Variants in PHYHD1 observed in about 807,000 individuals in gnomAD.
PHYHD1 encodes the protein phytanoyl-CoA dioxygenase domain containing 1, also known as phytanoyl-CoA dioxygenase domain-containing protein 1.
Under a neutral mutation model 43.6 loss-of-function variants are expected in PHYHD1, and 42 were observed. That is an observed-to-expected ratio of 0.96 (90% confidence interval 0.75 to 1.25). The LOEUF is 1.25. Ranked by LOEUF, PHYHD1 falls within the 50% of genes most tolerant of loss-of-function variation. The probability of loss-of-function intolerance (pLI) is 0.00; values close to 1 mark genes in which losing one functional copy is unlikely to be tolerated. For missense variants in PHYHD1, 342 were observed against 370.8 expected, an observed-to-expected ratio of 0.92 and a Z score of 0.64; for synonymous variants, 139 against 143.6, an observed-to-expected ratio of 0.97 and a Z score of 0.23.
At chr9:128,927,483 C>T (rs1288533893) in intron 4 of PHYHD1, among the ~76,000 whole-genome samples, 2 of 152,104 alleles carry the variant, frequency 1.3e-5, no homozygotes, top group Non-Finnish European at 1.5e-5. Context: ...TCAAGTGATT[C>T]TCCTGCCTCA....
rs750494124 is a variant in PHYHD1, at chr9:128,940,702, C to T, written c.690C>T (p.Thr230=). The T allele has an allele frequency of 2.5e-6, 4 of 1,613,372 alleles. No individual in the cohort carries two copies. In the East Asian group the frequency reaches 8.9e-5, roughly 36 times the overall value. The change falls in exon 11 of 13, where the codon ACC becomes ACT. Residue 230 remains threonine (T), a synonymous_variant. Transcript: ENST00000372592. ...PARDNSLFVP[T]PVQRGALVLI... ...GGGATAACAGCCTCTTTGTGCCCAC[C>T]CCAGTGCAGAGAGGTAGGCAGATGC...
In PHYHD1 at chr9:128,942,001, T is replaced by C. The variant is rs761623100; in HGVS notation, c.*288T>C. 2.0e-6 allele frequency: 1 copy of C among 499,962 alleles called. No individual in the cohort carries two copies. Among genetic ancestry groups the C allele is most frequent in the Non-Finnish European group, 3.6e-6 (1 of 280,038 alleles). 31.0% of individuals were successfully genotyped at this position (499,962 alleles called of 1,614,324 possible). On this transcript the variant is annotated 3_prime_UTR_variant, in exon 13 of 13. Transcript: ENST00000372592. ...CTCTCAGATGGAACTCTGGTTATTATGGTGTTAGTTATCGAATAAAAACGA... is the reference window on the plus strand; with the variant it reads ...CTCTCAGATGGAACTCTGGTTATTACGGTGTTAGTTATCGAATAAAAACGA...
intron 6 of PHYHD1, among the ~76,000 whole-genome samples, chr9:128,934,788 C>G (rs547829630): frequency 6.7e-6 from 1 of 149,622 alleles, no homozygotes; most frequent in Admixed American, 6.7e-5. Flanking sequence ...AAAAAGCAAA[C>G]AAGAAAGAAA....
At chr9:128,938,031 G>C in intron 9 of PHYHD1, 1 of 1,291,408 alleles carries the variant, frequency 7.7e-7, no homozygotes, top group Non-Finnish European at 1.0e-6. Context: ...CCTAGGACAG[G>C]CGTGGTGGCT....
chr9:128,923,240 G>A lies in PHYHD1; in HGVS notation c.33+884G>A, dbSNP rs144523949. The stretch of plus-strand genomic sequence containing the variant: ...ATTACAGGCGTGAGCCACCGTGCCC[G>A]GTCCTATTTTTATTTTTGCAGAGAT... On this transcript the variant is annotated intron_variant, in intron 3 of 12. Transcript: ENST00000372592. Among the ~76,000 whole-genome samples, 499 of 152,104 alleles carry A rather than the reference G, an allele frequency of 3.3e-3. 2 individuals are homozygous for A. Among genetic ancestry groups the A allele is most frequent in the African/African-American group, 0.011 (467 of 41,492 alleles).
chr9:128,922,239 G>T, intron 2 of PHYHD1, 44 bp from the exon 3 acceptor site: 1 of 1,514,646 alleles, frequency 6.6e-7, no homozygotes, highest in South Asian at 1.2e-5. Flanking sequence ...GGGTAGGGAA[G>T]GGTTAAGTCC....
In PHYHD1 at chr9:128,927,921, C is replaced by G. The variant is rs373385594; in HGVS notation, c.192+725C>G. On this transcript the variant is annotated intron_variant, in intron 4 of 12. Coordinates refer to ENST00000372592, the MANE Select transcript of PHYHD1 (RefSeq NM_001100876.2). ...ACTATCCCCCATGAGACTAGGAACT[C>G]AGATTTTCTCCCCCCAGTGACCGAA... 3.3e-5 allele frequency among the ~76,000 whole-genome samples: 5 copies of G among 152,348 alleles called. 1 individual carries two copies. The highest frequency in any genetic ancestry group is 6.5e-5 in the Admixed American group (1 of 15,294).
chr9:128,937,781 G>A lies in PHYHD1; in HGVS notation c.457+3G>A, dbSNP rs1841462312. On this transcript the variant is annotated splice_donor_region_variant and intron_variant, in intron 9 of 12. Transcript: ENST00000372592. ...GCAACCTCACTTTGGCGGTGAAGGT[G>A]AGCTGAGAGCTGTGGGCCCCTGAAA... 1 of 1,613,946 alleles carries A rather than the reference G, an allele frequency of 6.2e-7. No homozygotes were observed. The highest frequency in any genetic ancestry group is 1.1e-5 in the South Asian group (1 of 91,076).
intron 4 of PHYHD1, among the ~76,000 whole-genome samples, chr9:128,932,086 C>T (rs576078861): frequency 4.0e-5 from 6 of 151,666 alleles, no homozygotes; most frequent in Middle Eastern, 6.8e-3. Flanking sequence ...CTGCCCACCT[C>T]AGCCTCCCAG....
intron 3 of PHYHD1, among the ~76,000 whole-genome samples, chr9:128,924,985 A>C (rs1841099880): frequency 6.6e-6 from 1 of 152,202 alleles, no homozygotes; most frequent in African/African-American, 2.4e-5. Flanking sequence ...TTGTGTATTT[A>C]CTGGATCAAG....
chr9:128,940,725 T>C lies in PHYHD1; in HGVS notation c.703+10T>C. ...ACCCCAGTGCAGAGAGGTAGGCAGA[T>C]GCAGAGGGCAGAGAGGCAGGGGGCT... On this transcript the variant is annotated intron_variant, in intron 11 of 12. Coordinates refer to ENST00000372592, the MANE Select transcript of PHYHD1 (RefSeq NM_001100876.2). 1 of 1,612,144 alleles carries C rather than the reference T, an allele frequency of 6.2e-7. No individual in the cohort carries two copies. The highest frequency in any genetic ancestry group is 8.5e-7 in the Non-Finnish European group (1 of 1,179,444).
At position 128,939,510 on chromosome 9, in the gene PHYHD1, C is replaced by G. The variant is rs529888578; in HGVS notation, c.458-859C>G. On this transcript the variant is annotated intron_variant, in intron 9 of 12. Coordinates refer to ENST00000372592, the MANE Select transcript of PHYHD1 (RefSeq NM_001100876.2). ...AGGAGAATCACTTGAATCCGGGAGG[C>G]GGAGGTTGCAGTGAGCCAAGATCGT... Among the ~76,000 whole-genome samples the G allele has an allele frequency of 3.4e-5, 4 of 116,174 alleles. 1 individual carries two copies. The highest frequency in any genetic ancestry group is 1.1e-4 in the African/African-American group (4 of 36,642). The allele number at this position is 116,174 out of a possible 152,430, so 76.2% of individuals were successfully genotyped here. A position where few individuals can be genotyped will look rare whatever the true frequency, so the allele number is the denominator to read the frequency against.
intron 8 of PHYHD1, 51 bp downstream of exon 8, chr9:128,936,696 G>A: frequency 1.3e-6 from 2 of 1,535,074 alleles, no homozygotes; most frequent in Non-Finnish European, 1.8e-6. Flanking sequence ...TGGGCAGACT[G>A]CTCATACCAA....
intron 3 of PHYHD1, among the ~76,000 whole-genome samples, chr9:128,926,305 A>C (rs985504929): frequency 1.3e-5 from 2 of 152,084 alleles, no homozygotes; most frequent in Admixed American, 6.6e-5. Context: ...ATCTCGGCTC[A>C]CTGCAACCTC....
intron 3 of PHYHD1, among the ~76,000 whole-genome samples, chr9:128,922,817 G>C (rs1841034829): frequency 6.6e-6 from 1 of 152,194 alleles, no homozygotes; most frequent in Non-Finnish European, 1.5e-5. Flanking sequence ...TACAGCTCTA[G>C]AAGCTTTGTT....
intron 4 of PHYHD1, among the ~76,000 whole-genome samples, chr9:128,930,447 TA>T (rs1223049668): frequency 6.2e-4 from 82 of 133,144 alleles, no homozygotes; most frequent in Middle Eastern, 4.0e-3. Context: ...ACTGTCTTTT[TA>T]AAAAAAAAAA....
At chr9:128,929,548 C>T (rs777354635) in intron 4 of PHYHD1, among the ~76,000 whole-genome samples, 4 of 151,822 alleles carry the variant, frequency 2.6e-5, no homozygotes, top group Non-Finnish European at 5.9e-5. Flanking sequence ...TGGCAGGCGC[C>T]GGCGGTCCCA....
rs1409013085 is a variant in PHYHD1, at chr9:128,941,690, C to T, written c.853C>T (p.Pro285Ser). The stretch of plus-strand genomic sequence containing the variant: ...CAGGCTCCAGCCAACAGCTGAACTG[C>T]CCTTTCCCCAACTGTACACCTAAAG... The part of the protein sequence containing the change: ...ENWLQPTAEL[P>S]FPQLYT Residue 285 changes from proline to serine, a missense_variant, in exon 13 of 13, where the codon CCC becomes TCC. By Grantham distance (74) the Pro-to-Ser change is moderately conservative (BLOSUM62 -1). Transcript: ENST00000372592. 1 of 1,614,176 alleles carries T rather than the reference C, an allele frequency of 6.2e-7. No homozygotes were observed. The highest frequency in any genetic ancestry group is 1.7e-5 in the Admixed American group (1 of 60,026).
At chr9:128,927,286 C>T in intron 4 of PHYHD1, 90 bp downstream of exon 4, 1 of 1,536,958 alleles carries the variant, frequency 6.5e-7, no homozygotes, top group Non-Finnish European at 8.9e-7. Flanking sequence ...GGGAGGATCC[C>T]AAGGCTCCAG....
Sources: gnomAD v4.1 joint callset for allele counts (sites outside exome capture counted in the v4.1 genomes callset) on GRCh38, gnomAD v4.1.1 for gene constraint, MANE v1.5 for transcripts, NCBI Gene and HGNC (gene_info 2026-07-23, HGNC 2026-07-21) for gene names.